ZNF469: variants seen among roughly 807,000 people sequenced by gnomAD.
ZNF469 encodes zinc finger protein 469.
Under a neutral mutation model 1.0 loss-of-function variants are expected in ZNF469, and 1 was observed. The observed-to-expected ratio is 1.00, with a 90% confidence interval of 0.35 to 4.73. The LOEUF is 4.73. ZNF469 is among the 30% of genes most tolerant of loss of function. The probability of loss-of-function intolerance (pLI) is 0.16; values close to 1 mark genes in which losing one functional copy is unlikely to be tolerated. For missense variants in ZNF469, 6,100 were observed against 5,356.3 expected (o/e 1.14, Z -4.33); for synonymous variants, 2,703 against 2,363.4 (o/e 1.14, Z -4.17).
chr16:88,315,513 G>C, the ZNF469 span, among the ~76,000 whole-genome samples: 1 of 152,222 alleles, frequency 6.6e-6, no homozygotes, highest in African/African-American at 2.4e-5. Context: ...CGCTGCCTCT[G>C]TTGGACCATT....
intron 1 of ZNF469, among the ~76,000 whole-genome samples, chr16:88,402,812 C>G (rs1020229060): frequency 2.0e-5 from 3 of 152,196 alleles, no homozygotes; most frequent in African/African-American, 7.2e-5. Flanking sequence ...CCCTTATGCA[C>G]TTCATCTTAC....
chr16:88,230,919 G>A, the ZNF469 span, among the ~76,000 whole-genome samples: 42 of 152,184 alleles, frequency 2.8e-4, no homozygotes, highest in African/African-American at 8.2e-4. Flanking sequence ...TGCTGGGGAC[G>A]GTGAGTGCCA....
chr16:88,131,041 C>A, the ZNF469 span, among the ~76,000 whole-genome samples: 1 of 152,244 alleles, frequency 6.6e-6, no homozygotes, highest in Admixed American at 6.5e-5. Flanking sequence ...GGCAGCGCGG[C>A]GTTCGCCTGG....
chr16:88,111,409 T>A, the ZNF469 span, among the ~76,000 whole-genome samples: 2 of 152,118 alleles, frequency 1.3e-5, no homozygotes, highest in Non-Finnish European at 2.9e-5. Flanking sequence ...GCCAGTGATT[T>A]TATTTTAGTT....
chr16:88,135,072 C>A, the ZNF469 span, among the ~76,000 whole-genome samples: 1 of 152,230 alleles, frequency 6.6e-6, no homozygotes, highest in Non-Finnish European at 1.5e-5. Context: ...CAGGGCGAGG[C>A]CCCGGGCAGA....
the ZNF469 span, among the ~76,000 whole-genome samples, chr16:88,239,377 A>G: frequency 6.6e-6 from 1 of 152,140 alleles, no homozygotes; most frequent in Non-Finnish European, 1.5e-5. Context: ...AGCCACTTAT[A>G]TAAAAGGTGC....
At chr16:88,374,659 C>T in the ZNF469 span, among the ~76,000 whole-genome samples, 8 of 152,224 alleles carry the variant, frequency 5.3e-5, no homozygotes, top group South Asian at 6.2e-4. Context: ...TTCTTATTCA[C>T]ACTAACCCAG....
the ZNF469 span, among the ~76,000 whole-genome samples, chr16:88,276,958 G>C: frequency 4.6e-5 from 7 of 152,130 alleles, no homozygotes; most frequent in African/African-American, 1.7e-4. Flanking sequence ...TGCGTGGTTA[G>C]TGCTGCGCCA....
At chr16:88,402,000 A>G (rs1394996899) in intron 1 of ZNF469, among the ~76,000 whole-genome samples, 4 of 143,204 alleles carry the variant, frequency 2.8e-5, no homozygotes, top group Admixed American at 6.9e-5. Flanking sequence ...GGGAAGATGG[A>G]TGGGTGGATG....
At chr16:88,340,662 T>C in the ZNF469 span, among the ~76,000 whole-genome samples, 33,489 of 149,536 alleles carry the variant, frequency 0.22, 4,694 homozygotes, top group African/African-American at 0.4. Flanking sequence ...CGGCGCAGCT[T>C]AACAGCCGGG....
rs144492145 is a variant in ZNF469 at position 88,429,767 on chromosome 16, G to A, written c.2297G>A (p.Arg766Gln). The A allele has an allele frequency of 1.5e-3, 2,337 of 1,544,706 alleles. 3 individuals carry two copies. Among genetic ancestry groups the A allele is most frequent in the Middle Eastern group, 2.5e-3 (15 of 5,938 alleles). ...GCCAGGGCCAAGGATGGCCACCAGC[G>A]GTCTCCAGGCCCCCCTGGGCTCCCC... ...LLARAKDGHQ[R>Q]SPGPPGLPSP... The change falls in exon 3 of 3, where the codon CGG becomes CAG. Residue 766 changes from arginine (R) to glutamine (Q), a missense_variant. Physicochemically the swap from Arg to Gln is conservative, Grantham distance 43. Transcript: ENST00000565624.
chr16:88,235,100 C>T, the ZNF469 span, among the ~76,000 whole-genome samples: 3 of 152,104 alleles, frequency 2.0e-5, no homozygotes, highest in African/African-American at 4.8e-5. Context: ...GAAGGCCCGG[C>T]GCTGGGGCTG....
the ZNF469 span, among the ~76,000 whole-genome samples, chr16:88,293,401 TTGAC>T: frequency 6.7e-6 from 1 of 150,170 alleles, no homozygotes; most frequent in Non-Finnish European, 1.5e-5. Flanking sequence ...GGATGAATAA[TTGAC>T]TGGGTGGATG....
At chr16:88,212,221 A>G in the ZNF469 span, among the ~76,000 whole-genome samples, 1 of 152,132 alleles carries the variant, frequency 6.6e-6, no homozygotes, top group Non-Finnish European at 1.5e-5. Context: ...CCTCGGAATC[A>G]CTTGTTCCAA....
rs574836423 is a variant in ZNF469 at position 88,420,100 on chromosome 16, A to G, written c.-191-4707A>G. Among the ~76,000 whole-genome samples, 47 of 152,362 alleles carry G rather than the reference A, an allele frequency of 3.1e-4. No individual in the cohort carries two copies. In the South Asian group the frequency reaches 4.8e-3, roughly 15 times the overall value. Reference sequence around the variant, plus strand: ...GTTCCATGTGTGGGGAAGACAGGGCACATGCACCAGGCCCCACTCCCACAC... The same window carrying G: ...GTTCCATGTGTGGGGAAGACAGGGCGCATGCACCAGGCCCCACTCCCACAC... On this transcript the variant is annotated intron_variant, in intron 1 of 2. Coordinates refer to ENST00000565624, the MANE Select transcript of ZNF469 (RefSeq NM_001367624.2).
At chr16:88,347,597 T>C in the ZNF469 span, among the ~76,000 whole-genome samples, 1 of 152,198 alleles carries the variant, frequency 6.6e-6, no homozygotes, top group African/African-American at 2.4e-5. Flanking sequence ...CCATCTGTGA[T>C]ACTTGGTTAT....
chr16:88,367,722 C>T, the ZNF469 span, among the ~76,000 whole-genome samples: 4 of 152,238 alleles, frequency 2.6e-5, no homozygotes, highest in Non-Finnish European at 5.9e-5. Flanking sequence ...CCATCCTGAG[C>T]CTCACTGGCA....
the ZNF469 span, among the ~76,000 whole-genome samples, chr16:88,134,424 C>T: frequency 6.6e-6 from 1 of 152,208 alleles, no homozygotes; most frequent in Non-Finnish European, 1.5e-5. Flanking sequence ...GTTGCACCAC[C>T]ATCCATTTCA....
chr16:88,333,154 A>G, the ZNF469 span, among the ~76,000 whole-genome samples: 2 of 152,092 alleles, frequency 1.3e-5, no homozygotes, highest in Non-Finnish European at 2.9e-5. Flanking sequence ...GTGTCCCCAC[A>G]TCCACCGTCC....
Sources: allele counts gnomAD v4.1 joint callset (sites outside exome capture counted in the v4.1 genomes callset), GRCh38; gene constraint gnomAD v4.1.1; transcripts MANE v1.5; gene names NCBI Gene and HGNC (gene_info 2026-07-23, HGNC 2026-07-21).